ANKMY2: variants seen among roughly 807,000 people sequenced by gnomAD.
ANKMY2 encodes ankyrin repeat and MYND domain-containing protein 2.
A neutral mutation model predicts 50.4 loss-of-function variants in ANKMY2; 36 were observed. The observed-to-expected ratio is 0.71, with a 90% CI of 0.55 to 0.94. ANKMY2 has a LOEUF of 0.94. Ranked by LOEUF, ANKMY2 falls within the 40% of genes least tolerant of loss-of-function variation. ANKMY2 has a pLI of 0.00. For synonymous variants in ANKMY2, 187 were observed against 178.8 expected (o/e 1.05, Z -0.36); for missense variants, 565 against 524.0 (o/e 1.08, Z -0.76).
Position 16,610,666 on chromosome 7 carries a change from T to C in ANKMY2, c.629A>G (p.Lys210Arg), listed in dbSNP as rs1349203358. 3 of 1,613,934 alleles carry C rather than the reference T, an allele frequency of 1.9e-6. No homozygotes were observed. In the African/African-American group the frequency reaches 4.0e-5, roughly 22 times the overall value. The change falls in exon 6 of 10, where the codon AAG becomes AGG. Residue 210 changes from lysine to arginine, a missense_variant. Physicochemically the swap from Lys to Arg is conservative, Grantham distance 26. Coordinates refer to ENST00000306999, the MANE Select transcript of ANKMY2 (RefSeq NM_020319.3). Reference sequence around the variant, plus strand: ...CAATACTTCATTCATGTCTCTTTGCTTCATACATTTCTCACAAATCAAATC... The same window carrying C: ...CAATACTTCATTCATGTCTCTTTGCCTCATACATTTCTCACAAATCAAATC... ...VMDLICEKCM[K>R]QRDMNEVLAM...
At chr7:16,613,616 C>A (rs1482388932) in intron 5 of ANKMY2, among the ~76,000 whole-genome samples, 1 of 152,006 alleles carries the variant, frequency 6.6e-6, no homozygotes, top group African/African-American at 2.4e-5. Flanking sequence ...CATAATTATG[C>A]CCTCAATCTA....
intron 5 of ANKMY2, 40 bp downstream of exon 5, chr7:16,615,704 A>G: frequency 1.2e-6 from 2 of 1,611,820 alleles, no homozygotes; most frequent in Non-Finnish European, 8.5e-7. Flanking sequence ...CTCTGAAGCA[A>G]TATTTACATA....
chr7:16,640,123 G>A (rs1001879666), intron 1 of ANKMY2, among the ~76,000 whole-genome samples: 1 of 152,008 alleles, frequency 6.6e-6, no homozygotes, highest in Admixed American at 6.6e-5. Context: ...TCAAGATCGC[G>A]CCACTGCACT....
rs1481576823 is a variant in ANKMY2 at position 16,600,766 on chromosome 7, C to A, written c.1321G>T (p.Glu441Ter). The stretch of plus-strand genomic sequence containing the variant: ...ACTGGCACTTGCTCTGGCTTTTACT[C>A]CTCAGACACCTGTGGCCCTGCAGGA... ...DAPAGPQVSE[E>*] The change falls in exon 10 of 10, where the codon GAG becomes TAG. Residue 441 changes from glutamate to a stop codon, truncating the protein, a stop_gained. Transcript: ENST00000306999. LOFTEE classifies it high-confidence loss of function. The A allele has an allele frequency of 1.2e-6, 2 of 1,605,892 alleles. No homozygotes were observed. The highest frequency in any genetic ancestry group is 1.7e-6 in the Non-Finnish European group (2 of 1,176,406).
chr7:16,627,129 A>G lies in ANKMY2; in HGVS notation c.182T>C (p.Met61Thr), dbSNP rs1179973713. ...TCCATGTCGCAGTAGTAATTTGCAC[A>G]TATCGAGTTTTCCTTTATATGCTGC... Reference protein sequence around the residue: ...MHAAYKGKLDMCKLLLRHGAD... With the variant: ...MHAAYKGKLDTCKLLLRHGAD... The change falls in exon 3 of 10, where the codon ATG becomes ACG. Residue 61 changes from methionine (M) to threonine (T), a missense_variant. Met to Thr is a moderately conservative substitution (Grantham distance 81). Coordinates refer to ENST00000306999, the MANE Select transcript of ANKMY2 (RefSeq NM_020319.3). 1 of 1,611,260 alleles carries G rather than the reference A, an allele frequency of 6.2e-7. No homozygotes were observed. Among genetic ancestry groups the G allele is most frequent in the African/African-American group, 1.3e-5 (1 of 74,868 alleles).
chr7:16,603,532 T>C, intron 8 of ANKMY2: 1 of 429,596 alleles, frequency 2.3e-6, no homozygotes, highest in Non-Finnish European at 4.9e-6. Context: ...TGGGAATGAA[T>C]GTTATTAAAC....
At chr7:16,616,567 G>T (rs2128343299) in intron 4 of ANKMY2, among the ~76,000 whole-genome samples, 1 of 100,820 alleles carries the variant, frequency 9.9e-6, no homozygotes, top group Middle Eastern at 4.6e-3. Flanking sequence ...GTGTGCTCCT[G>T]CGGCGCCCCC....
intron 7 of ANKMY2, among the ~76,000 whole-genome samples, chr7:16,609,239 C>A (rs906365410): frequency 1.3e-5 from 2 of 152,124 alleles, no homozygotes; most frequent in Admixed American, 1.3e-4. Flanking sequence ...ATCCCCACTG[C>A]CTGGACACTA....
At chr7:16,636,296 C>A (rs1781657990) in intron 2 of ANKMY2, 95 bp downstream of exon 2, 2 of 669,294 alleles carry the variant, frequency 3.0e-6, no homozygotes, top group East Asian at 5.0e-5. Context: ...GAGCAACACT[C>A]CATCTCAAAA....
At chr7:16,613,258 G>A (rs990436935) in intron 5 of ANKMY2, among the ~76,000 whole-genome samples, 23 of 152,188 alleles carry the variant, frequency 1.5e-4, no homozygotes, top group Non-Finnish European at 3.2e-4. Flanking sequence ...TAGGTGCACT[G>A]TAATGAAAAG....
chr7:16,619,452 C>A (rs1248197685), intron 4 of ANKMY2, among the ~76,000 whole-genome samples: 1 of 152,060 alleles, frequency 6.6e-6, no homozygotes, highest in East Asian at 1.9e-4. Context: ...CTGTGCCCGG[C>A]CTAATTATAC....
chr7:16,610,145 A>G (rs1781223822), intron 6 of ANKMY2, among the ~76,000 whole-genome samples: 1 of 152,218 alleles, frequency 6.6e-6, no homozygotes, highest in Non-Finnish European at 1.5e-5. Flanking sequence ...TGGTGGTCAG[A>G]GAAGCAGCAT....
At chr7:16,620,133 C>T (rs1473685120) in intron 4 of ANKMY2, among the ~76,000 whole-genome samples, 2 of 151,962 alleles carry the variant, frequency 1.3e-5, no homozygotes, top group Non-Finnish European at 2.9e-5. Flanking sequence ...TTGAAAAGGT[C>T]CTATAACCAA....
At chr7:16,632,460 T>A (rs2128345724) in intron 2 of ANKMY2, among the ~76,000 whole-genome samples, 1 of 152,302 alleles carries the variant, frequency 6.6e-6, no homozygotes, top group African/African-American at 2.4e-5. Flanking sequence ...TCTGTTCCTA[T>A]GAATTTGCCT....
chr7:16,645,453 G>A (rs1414038880), intron 1 of ANKMY2, 54 bp downstream of exon 1: 4 of 1,544,058 alleles, frequency 2.6e-6, no homozygotes, highest in African/African-American at 2.8e-5. Context: ...CCCGGGCTCC[G>A]CCACGCCCCC....
intron 1 of ANKMY2, 42 bp downstream of exon 1, chr7:16,645,465 G>A: frequency 2.6e-6 from 4 of 1,568,624 alleles, no homozygotes; most frequent in South Asian, 1.2e-5. Flanking sequence ...CACGCCCCCC[G>A]GCCAGGCTGG....
Position 16,600,823 on chromosome 7 carries a change from T to A in ANKMY2, c.1264A>T (p.Ser422Cys). ...TGTAAGCCTTCCAACTCAGCTTCGCTTTCAAGAGATTCTTTCTTTCCTTCC... is the reference window on the plus strand; with the variant it reads ...TGTAAGCCTTCCAACTCAGCTTCGCATTCAAGAGATTCTTTCTTTCCTTCC... Reference protein sequence around the residue: ...SGEGKKESLESEAELEGLQDA... With the variant: ...SGEGKKESLECEAELEGLQDA... Residue 422 changes from serine (S) to cysteine (C), a missense_variant, in exon 10 of 10, where the codon AGC (serine) becomes TGC (cysteine). By Grantham distance (112) the Ser-to-Cys change is moderately radical. Coordinates refer to ENST00000306999, the MANE Select transcript of ANKMY2 (RefSeq NM_020319.3). 2.5e-6 allele frequency: 4 copies of A among 1,613,834 alleles called. No homozygotes were observed. Among genetic ancestry groups the A allele is most frequent in the Non-Finnish European group, 3.4e-6 (4 of 1,179,874 alleles).
intron 2 of ANKMY2, among the ~76,000 whole-genome samples, chr7:16,629,107 T>C (rs1781543776): frequency 6.6e-6 from 1 of 152,236 alleles, no homozygotes; most frequent in African/African-American, 2.4e-5. Context: ...TGTCTCCTAT[T>C]ACTCCCTTTC....
At chr7:16,634,865 GT>G (rs2128346082) in intron 2 of ANKMY2, among the ~76,000 whole-genome samples, 1 of 152,072 alleles carries the variant, frequency 6.6e-6, no homozygotes, top group South Asian at 2.1e-4. Flanking sequence ...TAACTTAACT[GT>G]GTTCATGAAA....
Sources: gnomAD v4.1 joint callset for allele counts (sites outside exome capture counted in the v4.1 genomes callset) on GRCh38, gnomAD v4.1.1 for gene constraint, MANE v1.5 for transcripts, NCBI Gene and HGNC (gene_info 2026-07-23, HGNC 2026-07-21) for gene names.